DISC1: variants seen among roughly 807,000 people sequenced by gnomAD.
The protein encoded by DISC1 is DISC1 scaffold protein.
In DISC1, 57 loss-of-function variants were observed where a neutral mutation model predicts 84.5. That is an observed-to-expected ratio of 0.67 (90% CI 0.55 to 0.84). The LOEUF (loss-of-function observed/expected upper bound fraction) is 0.84. Ranked by LOEUF, DISC1 falls within the 40% of genes least tolerant of loss-of-function variation. DISC1 has a pLI of 0.00. For missense variants in DISC1, 1,000 were observed against 1,057.8 expected, an observed-to-expected ratio of 0.95 and a Z score of 0.76; for synonymous variants, 411 against 415.2, an observed-to-expected ratio of 0.99 and a Z score of 0.12.
chr1:231,742,825 G>A (rs1437328722), intron 3 of DISC1, among the ~76,000 whole-genome samples: 10 of 152,058 alleles, frequency 6.6e-5, no homozygotes, highest in Admixed American at 2.0e-4. Flanking sequence ...CAGGAGGATC[G>A]CTTGAGCCCA....
chr1:231,777,383 G>T (rs1342663993), intron 6 of DISC1, among the ~76,000 whole-genome samples: 2 of 152,020 alleles, frequency 1.3e-5, no homozygotes, highest in Admixed American at 6.6e-5. Context: ...ACCATGCCAG[G>T]CTAATTTTTT....
chr1:231,766,841 A>G (rs1285417438), intron 4 of DISC1, among the ~76,000 whole-genome samples: 1 of 152,174 alleles, frequency 6.6e-6, no homozygotes, highest in African/African-American at 2.4e-5. Flanking sequence ...TGTGTTTTAC[A>G]CTTTTAGCAC....
At chr1:231,984,416 A>G (rs1026914341) in intron 10 of DISC1, among the ~76,000 whole-genome samples, 2 of 152,180 alleles carry the variant, frequency 1.3e-5, no homozygotes, top group African/African-American at 4.8e-5. Flanking sequence ...AAGAGGGGGA[A>G]AGTTCAAAAA....
chr1:231,924,262 TC>T (rs2090197039), intron 9 of DISC1, among the ~76,000 whole-genome samples: 2 of 152,190 alleles, frequency 1.3e-5, no homozygotes, highest in Admixed American at 1.3e-4. Flanking sequence ...GGGAGGACAG[TC>T]CCCATGTATT....
At chr1:231,920,032 G>T (rs982299418) in intron 9 of DISC1, among the ~76,000 whole-genome samples, 1 of 152,044 alleles carries the variant, frequency 6.6e-6, no homozygotes, top group Non-Finnish European at 1.5e-5. Context: ...GGTGTCCCGC[G>T]CATCGTAAGA....
chr1:231,853,217 A>G (rs2084021184), intron 9 of DISC1, among the ~76,000 whole-genome samples: 1 of 152,252 alleles, frequency 6.6e-6, no homozygotes, highest in Non-Finnish European at 1.5e-5. Context: ...ACTGAAGAGA[A>G]TAATATTTGT....
In DISC1 at chr1:231,694,741, C is replaced by T; in HGVS notation, c.983C>T (p.Thr328Ile). The change falls in exon 2 of 13, where the codon ACC becomes ATC. Residue 328 changes from threonine to isoleucine, a missense_variant. By Grantham distance (89) the Thr-to-Ile change is moderately conservative (BLOSUM62 -1). Coordinates refer to ENST00000439617, the MANE Select transcript of DISC1 (RefSeq NM_018662.3). ...TCAGGGGATGCCCACTCTTGGGACACCCTGCTCAGGAAATGGGAGCCAGTG... is the reference window on the plus strand; with the variant it reads ...TCAGGGGATGCCCACTCTTGGGACATCCTGCTCAGGAAATGGGAGCCAGTG... ...SGSGDAHSWD[T>I]LLRKWEPVLR... 1 of 1,614,118 alleles carries T rather than the reference C, an allele frequency of 6.2e-7. No homozygotes were observed. Among genetic ancestry groups the T allele is most frequent in the East Asian group, 2.2e-5 (1 of 44,876 alleles).
At chr1:231,716,188 C>G (rs73117127) in intron 3 of DISC1, among the ~76,000 whole-genome samples, 2 of 151,972 alleles carry the variant, frequency 1.3e-5, no homozygotes, top group Non-Finnish European at 2.9e-5. Context: ...AGTGTGGATG[C>G]TTCTGAAAAA....
intron 4 of DISC1, among the ~76,000 whole-genome samples, chr1:231,766,778 G>A (rs1054945419): frequency 2.6e-5 from 4 of 151,948 alleles, no homozygotes. Flanking sequence ...AAAATATTAC[G>A]AATGAGTTAT....
intron 1 of DISC1, among the ~76,000 whole-genome samples, chr1:231,634,388 A>G (rs2059012926): frequency 6.6e-6 from 1 of 152,208 alleles, no homozygotes; most frequent in Non-Finnish European, 1.5e-5. Context: ...TTTCTGCTAC[A>G]CTGGAAACTT....
intron 9 of DISC1, among the ~76,000 whole-genome samples, chr1:231,958,051 T>C (rs1659827655): frequency 6.6e-6 from 1 of 152,218 alleles, no homozygotes; most frequent in African/African-American, 2.4e-5. Flanking sequence ...CCATTGATAA[T>C]TCCAGCCACC....
intron 1 of DISC1, among the ~76,000 whole-genome samples, chr1:231,628,774 C>T (rs902155152): frequency 1.3e-5 from 2 of 152,198 alleles, no homozygotes; most frequent in African/African-American, 2.4e-5. Context: ...CAGAGTCTTG[C>T]TCTGTCACCC....
intron 11 of DISC1, among the ~76,000 whole-genome samples, chr1:232,013,688 T>TG (rs1249502563): frequency 6.6e-6 from 1 of 152,162 alleles, no homozygotes; most frequent in East Asian, 1.9e-4. Context: ...GGTTATAGAC[T>TG]GGGGGGTGAG....
intron 4 of DISC1, among the ~76,000 whole-genome samples, chr1:231,751,054 T>C (rs1309685310): frequency 6.6e-6 from 1 of 152,230 alleles, no homozygotes; most frequent in Non-Finnish European, 1.5e-5. Flanking sequence ...TGGCACCTGG[T>C]AGGTGCTTCC....
rs1361093960 is a variant in DISC1, at chr1:231,954,315, C to G, written c.1982-4513C>G. On this transcript the variant is annotated intron_variant, in intron 9 of 12. Coordinates refer to ENST00000439617, the MANE Select transcript of DISC1 (RefSeq NM_018662.3). The surrounding 1 kb of genome is among the most constrained non-coding windows in gnomAD (Gnocchi z 4.8). Reference sequence around the variant, plus strand: ...ATATGGTCTTGCATGAAGGAGGACCCAGATTGAACTCCTGTAGCATGATGT... The same window carrying G: ...ATATGGTCTTGCATGAAGGAGGACCGAGATTGAACTCCTGTAGCATGATGT... Among the ~76,000 whole-genome samples, 1 of 152,152 alleles carries G rather than the reference C, an allele frequency of 6.6e-6. No individual in the cohort carries two copies. The highest frequency in any genetic ancestry group is 1.9e-4 in the East Asian group (1 of 5,198).
chr1:231,838,044 T>C (rs2082748915), intron 9 of DISC1, among the ~76,000 whole-genome samples: 1 of 152,176 alleles, frequency 6.6e-6, no homozygotes, highest in African/African-American at 2.4e-5. Context: ...ATAAGAAAGA[T>C]AGATAAAAAG....
At chr1:231,681,098 T>A (rs2063645262) in intron 1 of DISC1, among the ~76,000 whole-genome samples, 1 of 152,218 alleles carries the variant, frequency 6.6e-6, no homozygotes, top group South Asian at 2.1e-4. Flanking sequence ...AGCAGCACCC[T>A]TGAGGGGGGC....
intron 9 of DISC1, among the ~76,000 whole-genome samples, chr1:231,841,916 G>T (rs1485353154): frequency 6.6e-6 from 1 of 152,188 alleles, no homozygotes; most frequent in East Asian, 1.9e-4. Context: ...AAACGATGAA[G>T]ATATTTAATT....
At chr1:231,901,617 A>G (rs925728290) in intron 9 of DISC1, among the ~76,000 whole-genome samples, 1 of 152,214 alleles carries the variant, frequency 6.6e-6, no homozygotes, top group Non-Finnish European at 1.5e-5. Flanking sequence ...CACACTGCAG[A>G]CACTGACAAA....
Sources: allele counts gnomAD v4.1 joint callset (sites outside exome capture counted in the v4.1 genomes callset), GRCh38; gene constraint gnomAD v4.1.1; non-coding constraint Gnocchi (gnomAD v3.1); transcripts MANE v1.5; gene names NCBI Gene and HGNC (gene_info 2026-07-23, HGNC 2026-07-21).